Variants in DAP observed in about 807,000 individuals in gnomAD.
DAP encodes death-associated protein 1.
In DAP, 8 loss-of-function variants were observed where a neutral mutation model predicts 13.8. The ratio of observed to expected loss-of-function variants is 0.58; its 90% CI spans 0.34 to 1.05. DAP has a LOEUF of 1.05. Ranked by LOEUF, DAP falls within the 50% of genes least tolerant of loss-of-function variation. DAP has a pLI of 0.03. For missense variants in DAP, 106 were observed against 133.2 expected (o/e 0.80, Z 1.01); for synonymous variants, 47 against 47.5 (o/e 0.99, Z 0.04).
chr5:10,741,559 T>A (rs749796748), intron 2 of DAP, among the ~76,000 whole-genome samples: 5 of 152,216 alleles, frequency 3.3e-5, no homozygotes, highest in Non-Finnish European at 7.3e-5. Flanking sequence ...TATACTGTTG[T>A]AAGTTTCTTA....
intron 2 of DAP, among the ~76,000 whole-genome samples, chr5:10,695,156 C>G (rs1561010064): frequency 6.6e-6 from 1 of 152,264 alleles, no homozygotes; most frequent in Non-Finnish European, 1.5e-5. Flanking sequence ...TTCTGGATAA[C>G]ATCATTCTTC....
intron 2 of DAP, among the ~76,000 whole-genome samples, chr5:10,715,300 T>C (rs539076362): frequency 6.6e-6 from 1 of 152,188 alleles, no homozygotes; most frequent in Non-Finnish European, 1.5e-5. Context: ...TGTGAAGTAA[T>C]AGGAATGGCA....
At chr5:10,757,265 A>G (rs1740212945) in intron 1 of DAP, among the ~76,000 whole-genome samples, 1 of 151,980 alleles carries the variant, frequency 6.6e-6, no homozygotes, top group African/African-American at 2.4e-5. Context: ...AGACACTCCA[A>G]ACAATTGGGT....
At chr5:10,708,337 CACACACAGAT>C (rs1410676826) in intron 2 of DAP, among the ~76,000 whole-genome samples, 3 of 151,996 alleles carry the variant, frequency 2.0e-5, no homozygotes, top group East Asian at 3.9e-4. Context: ...CACACATATA[CACACACAGAT>C]ACACACAGAC....
At chr5:10,706,857 A>C (rs899844667) in intron 2 of DAP, among the ~76,000 whole-genome samples, 4 of 152,068 alleles carry the variant, frequency 2.6e-5, no homozygotes, top group Non-Finnish European at 5.9e-5. Context: ...ATTCCAGAAA[A>C]GCCCAGAAAA....
chr5:10,708,305 T>C lies in DAP; in HGVS notation c.153-24734A>G, dbSNP rs556971222. ...GTGGGCACAAGTGCACACACACACA[T>C]AGAGACACACAGACACAGACACACA... is the stretch of plus-strand genomic sequence containing the variant. On this transcript the variant is annotated intron_variant, in intron 2 of 3. Coordinates refer to ENST00000230895, the MANE Select transcript of DAP (RefSeq NM_004394.3). Among the ~76,000 whole-genome samples, 49 of 144,844 alleles carry C rather than the reference T, an allele frequency of 3.4e-4. No homozygotes were observed. The South Asian group carries it at 7.0e-3, about 21-fold the overall frequency.
At chr5:10,694,406 A>ACACG (rs1553999280) in intron 2 of DAP, among the ~76,000 whole-genome samples, 1 of 151,934 alleles carries the variant, frequency 6.6e-6, no homozygotes, top group Non-Finnish European at 1.5e-5. Flanking sequence ...ACACACACAC[A>ACACG]CACGCACATA....
intron 2 of DAP, among the ~76,000 whole-genome samples, chr5:10,720,289 T>C (rs1336137286): frequency 6.6e-6 from 1 of 152,236 alleles, no homozygotes; most frequent in African/African-American, 2.4e-5. Flanking sequence ...GATGGAATGC[T>C]GCTGTGCATG....
chr5:10,761,163 G>T lies in DAP; in HGVS notation c.-95C>A. On this transcript the variant is annotated 5_prime_UTR_variant, in exon 1 of 4. Coordinates refer to ENST00000230895, the MANE Select transcript of DAP (RefSeq NM_004394.3). ...AGCTCAGGTGTGAGCGCCGGGGAGCGAGCGGGCGGGAGAACGACGCGCGCG... is the reference window on the plus strand; with the variant it reads ...AGCTCAGGTGTGAGCGCCGGGGAGCTAGCGGGCGGGAGAACGACGCGCGCG... 1.5e-6 allele frequency: 1 copy of T among 683,454 alleles called. No individual in the cohort carries two copies. The highest frequency in any genetic ancestry group is 2.0e-6 in the Non-Finnish European group (1 of 507,824). 42.3% of individuals were successfully genotyped at this position (683,454 alleles called of 1,614,324 possible).
intron 2 of DAP, among the ~76,000 whole-genome samples, chr5:10,690,149 A>AG (rs1738271229): frequency 6.6e-6 from 1 of 152,118 alleles, no homozygotes; most frequent in Admixed American, 6.5e-5. Context: ...GTTGCATGAG[A>AG]AAGTCTTATC....
intron 2 of DAP, 152 bp downstream of exon 2, chr5:10,748,023 C>T: frequency 1.6e-6 from 1 of 608,298 alleles, no homozygotes; most frequent in Non-Finnish European, 2.9e-6. Context: ...AAACAAAGCC[C>T]CCTCCTCCCT....
intron 1 of DAP, among the ~76,000 whole-genome samples, chr5:10,760,177 G>C (rs893194594): frequency 2.0e-5 from 3 of 152,186 alleles, no homozygotes; most frequent in Non-Finnish European, 4.4e-5. Flanking sequence ...AGACCTAAAA[G>C]AACCTCACGC....
intron 2 of DAP, among the ~76,000 whole-genome samples, chr5:10,688,143 T>C (rs1738202746): frequency 6.6e-6 from 1 of 152,152 alleles, no homozygotes; most frequent in Admixed American, 6.5e-5. Flanking sequence ...CTCGAACTCC[T>C]GGCCTCAAGT....
chr5:10,682,306 CGTCCACCAGG>C (rs1738038833), intron 3 of DAP, among the ~76,000 whole-genome samples: 1 of 151,304 alleles, frequency 6.6e-6, no homozygotes. Context: ...CCCAGGCCAG[CGTCCACCAGG>C]GTCCCTGTAG....
At chr5:10,737,355 AC>A (rs199822986) in intron 2 of DAP, among the ~76,000 whole-genome samples, 6,345 of 146,146 alleles carry the variant, frequency 0.043, 308 homozygotes, top group African/African-American at 0.095. Context: ...CAAAAAAAAA[AC>A]AAAAACAAAA....
intron 2 of DAP, among the ~76,000 whole-genome samples, chr5:10,686,803 T>A (rs186983791): frequency 8.5e-5 from 13 of 152,310 alleles, no homozygotes; most frequent in Admixed American, 3.9e-4. Context: ...CTAGCTAAGA[T>A]CATTGATGAA....
At chr5:10,689,861 G>A (rs1006073765) in intron 2 of DAP, among the ~76,000 whole-genome samples, 19 of 152,294 alleles carry the variant, frequency 1.2e-4, no homozygotes, top group African/African-American at 4.6e-4. Flanking sequence ...ACTCCGAGCT[G>A]AGGAGCAGGG....
At chr5:10,687,646 C>G (rs1738188507) in intron 2 of DAP, among the ~76,000 whole-genome samples, 2 of 151,360 alleles carry the variant, frequency 1.3e-5, no homozygotes, top group African/African-American at 4.9e-5. Context: ...CATGGATGAG[C>G]AAAGAAAGTG....
At chr5:10,705,183 A>G (rs1738667837) in intron 2 of DAP, among the ~76,000 whole-genome samples, 1 of 152,204 alleles carries the variant, frequency 6.6e-6, no homozygotes, top group Non-Finnish European at 1.5e-5. Flanking sequence ...TGAATCAGGA[A>G]GCCTTTTGGG....
Sources: gnomAD v4.1 joint callset for allele counts (sites outside exome capture counted in the v4.1 genomes callset) on GRCh38, gnomAD v4.1.1 for gene constraint, MANE v1.5 for transcripts, NCBI Gene and HGNC (gene_info 2026-07-23, HGNC 2026-07-21) for gene names.